Variants in FRMD4A observed in about 807,000 individuals in gnomAD.
FRMD4A encodes the protein FERM domain containing 4A.
In FRMD4A, 29 loss-of-function variants were observed where a neutral mutation model predicts 129.1. That is an observed-to-expected ratio of 0.22 (90% CI 0.17 to 0.31). FRMD4A has a LOEUF of 0.31. Among genes scored for constraint, FRMD4A ranks in the 10% least tolerant of loss-of-function variants. The pLI is 1.00. For missense variants in FRMD4A, 1,272 were observed against 1,375.8 expected (o/e 0.92, Z 1.19); for synonymous variants, 634 against 571.6 (o/e 1.11, Z -1.56).
chr10:14,108,576 A>T (rs1456301464), intron 2 of FRMD4A, among the ~76,000 whole-genome samples: 1 of 152,224 alleles, frequency 6.6e-6, no homozygotes, highest in Non-Finnish European at 1.5e-5. Context: ...CAAACCAGAT[A>T]CCTCTTCATC....
chr10:13,833,016 T>C (rs2093814844), intron 3 of FRMD4A, among the ~76,000 whole-genome samples: 1 of 152,184 alleles, frequency 6.6e-6, no homozygotes, highest in South Asian at 2.1e-4. Context: ...TGCCTTTCCG[T>C]GTACAGTCTG....
At chr10:13,658,806 C>T (rs1410293190) in intron 21 of FRMD4A, among the ~76,000 whole-genome samples, 3 of 148,102 alleles carry the variant, frequency 2.0e-5, no homozygotes, top group African/African-American at 5.0e-5. Context: ...CGCTTGAACA[C>T]GGGAGGCAGA....
At chr10:14,275,539 A>G (rs1845308471) in intron 2 of FRMD4A, among the ~76,000 whole-genome samples, 1 of 152,244 alleles carries the variant, frequency 6.6e-6, no homozygotes, top group African/African-American at 2.4e-5. Context: ...AAGGATGAAG[A>G]AAAACATCCA....
Position 13,762,536 on chromosome 10 carries a change from T to C in FRMD4A, c.441+88A>G. The stretch of plus-strand genomic sequence containing the variant: ...GGTAAGACGACAAATAGTGAGTAGA[T>C]ACAGCTACTGGCTATGCCTGGTAAG... On this transcript the variant is annotated intron_variant, in intron 7 of 24. Coordinates refer to ENST00000357447, the MANE Select transcript of FRMD4A (RefSeq NM_018027.5). 1.2e-5 allele frequency: 9 copies of C among 767,258 alleles called. No homozygotes were observed. In the South Asian group the frequency reaches 1.4e-4, roughly 12 times the overall value. 47.5% of individuals were successfully genotyped at this position (767,258 alleles called of 1,614,324 possible). A position where few individuals can be genotyped will look rare whatever the true frequency, so the allele number is the denominator to read the frequency against.
chr10:14,275,713 T>C (rs866487838), intron 2 of FRMD4A, among the ~76,000 whole-genome samples: 19 of 152,348 alleles, frequency 1.2e-4, no homozygotes, highest in Middle Eastern at 3.4e-3. Flanking sequence ...AAGCCTTTTT[T>C]CTCAAGAGTC....
At chr10:14,121,768 G>A (rs1356166302) in intron 2 of FRMD4A, among the ~76,000 whole-genome samples, 1 of 152,170 alleles carries the variant, frequency 6.6e-6, no homozygotes, top group Non-Finnish European at 1.5e-5. Flanking sequence ...AAAACCATTG[G>A]CTTTAGGGTT....
At chr10:13,873,169 A>T (rs10906526) in intron 2 of FRMD4A, among the ~76,000 whole-genome samples, 148,263 of 149,852 alleles carry the variant, frequency 0.99, 73,361 homozygotes, top group East Asian at 1. Flanking sequence ...AGAGAGAGAC[A>T]CTGTCTCAAA....
chr10:14,158,996 G>A (rs1300849105), intron 2 of FRMD4A, among the ~76,000 whole-genome samples: 1 of 152,174 alleles, frequency 6.6e-6, no homozygotes, highest in African/African-American at 2.4e-5. Flanking sequence ...AGGAAGAAAA[G>A]GAGAGTATAT....
chr10:14,168,561 A>C (rs534084940), intron 2 of FRMD4A, among the ~76,000 whole-genome samples: 1 of 152,370 alleles, frequency 6.6e-6, no homozygotes, highest in South Asian at 2.1e-4. Context: ...AGCATCACCC[A>C]GAAGATAGGT....
chr10:13,788,770 T>C (rs2092927015), intron 5 of FRMD4A, among the ~76,000 whole-genome samples: 1 of 152,222 alleles, frequency 6.6e-6, no homozygotes, highest in Non-Finnish European at 1.5e-5. Context: ...AGGTGCTCTG[T>C]GTTTATGTGT....
At chr10:13,741,939 C>G (rs552956403) in intron 9 of FRMD4A, among the ~76,000 whole-genome samples, 1 of 152,230 alleles carries the variant, frequency 6.6e-6, no homozygotes, top group South Asian at 2.1e-4. Flanking sequence ...TCACCGCAAC[C>G]TCTGCCTCCC....
intron 17 of FRMD4A, 53 bp from the exon 18 acceptor site, chr10:13,666,378 C>A: frequency 7.9e-7 from 1 of 1,259,412 alleles, no homozygotes. Context: ...AGCAGGGAGA[C>A]CCTCATCCTT....
At chr10:13,813,549 A>C (rs1199879766) in intron 3 of FRMD4A, among the ~76,000 whole-genome samples, 1 of 152,246 alleles carries the variant, frequency 6.6e-6, no homozygotes, top group African/African-American at 2.4e-5. Flanking sequence ...AAATACATTT[A>C]ATACACCTTA....
chr10:13,891,740 G>C (rs1276274172), intron 2 of FRMD4A: 1 of 983,932 alleles, frequency 1.0e-6, no homozygotes. Flanking sequence ...AGGCGGCCTT[G>C]GCGCCCGCAG....
At chr10:14,139,817 C>T (rs1234932346) in intron 2 of FRMD4A, among the ~76,000 whole-genome samples, 1 of 152,164 alleles carries the variant, frequency 6.6e-6, no homozygotes, top group Non-Finnish European at 1.5e-5. Context: ...GTTCAATTAT[C>T]TTTCTAGAAA....
At chr10:13,942,804 G>A (rs1394223520) in intron 2 of FRMD4A, among the ~76,000 whole-genome samples, 17 of 152,082 alleles carry the variant, frequency 1.1e-4, no homozygotes, top group African/African-American at 2.7e-4. Context: ...GTGGTGGCGC[G>A]CGTCTGTAGT....
intron 2 of FRMD4A, among the ~76,000 whole-genome samples, chr10:14,274,324 C>A (rs978411267): frequency 9.9e-5 from 15 of 152,192 alleles, no homozygotes; most frequent in African/African-American, 3.4e-4. Flanking sequence ...TGAGGACAAC[C>A]CCAGTTCTAA....
intron 2 of FRMD4A, among the ~76,000 whole-genome samples, chr10:14,002,879 C>A (rs1264882619): frequency 6.6e-6 from 1 of 152,082 alleles, no homozygotes; most frequent in East Asian, 1.9e-4. Context: ...CGCAAAGTTC[C>A]TGGGGCAAGA....
At chr10:13,775,064 A>G (rs1458073951) in intron 6 of FRMD4A, among the ~76,000 whole-genome samples, 6 of 152,168 alleles carry the variant, frequency 3.9e-5, no homozygotes, top group Non-Finnish European at 8.8e-5. Context: ...AAAGACAGAG[A>G]TAGACAGCTG....
Sources: gnomAD v4.1 joint callset for allele counts (sites outside exome capture counted in the v4.1 genomes callset) on GRCh38, gnomAD v4.1.1 for gene constraint, MANE v1.5 for transcripts, NCBI Gene and HGNC (gene_info 2026-07-23, HGNC 2026-07-21) for gene names.